The following PRLR variants were observed in gnomAD, a reference collection of about 807,000 sequenced individuals.
PRLR encodes the protein hPRL receptor.
Under a neutral mutation model 40.2 loss-of-function variants are expected in PRLR, and 13 were observed. That is an observed-to-expected ratio of 0.32 (90% confidence interval 0.21 to 0.51). PRLR has a LOEUF of 0.51. Ranked by LOEUF, PRLR falls within the 20% of genes least tolerant of loss-of-function variation. The pLI is 0.97. For synonymous variants in PRLR, 269 were observed against 278.7 expected (o/e 0.97, Z 0.35); for missense variants, 656 against 747.3 (o/e 0.88, Z 1.42).
In PRLR at chr5:35,142,039, G is replaced by A. The variant is rs185315836; in HGVS notation, c.-105-23917C>T. 3.9e-4 allele frequency among the ~76,000 whole-genome samples: 59 copies of A among 152,252 alleles called. No individual in the cohort carries two copies. In the East Asian group the frequency reaches 6.0e-3, roughly 15 times the overall value. ...AGAGTTGGAAAAAATGGCAATTCTC[G>A]AATGTTTAATTTTTTCACTGGATGT... On this transcript the variant is annotated intron_variant, in intron 1 of 9. Transcript: ENST00000618457.
At chr5:35,139,757 C>T (rs1313458548) in intron 1 of PRLR, among the ~76,000 whole-genome samples, 1 of 152,096 alleles carries the variant, frequency 6.6e-6, no homozygotes, top group African/African-American at 2.4e-5. Flanking sequence ...TATGTCTTAC[C>T]AAAGCCAGTT....
At chr5:35,223,084 C>A (rs996607613) in intron 1 of PRLR, among the ~76,000 whole-genome samples, 3 of 152,196 alleles carry the variant, frequency 2.0e-5, no homozygotes, top group African/African-American at 7.2e-5. Context: ...GCCACATCAT[C>A]CAAGTAGACA....
At chr5:35,165,290 A>G (rs1343416640) in intron 1 of PRLR, among the ~76,000 whole-genome samples, 1 of 152,194 alleles carries the variant, frequency 6.6e-6, no homozygotes, top group Admixed American at 6.5e-5. Context: ...AACACCAGCA[A>G]TGAACACCTG....
intron 1 of PRLR, among the ~76,000 whole-genome samples, chr5:35,179,590 C>T (rs1349366112): frequency 6.6e-6 from 1 of 152,214 alleles, no homozygotes; most frequent in Non-Finnish European, 1.5e-5. Flanking sequence ...CAGCACCTCT[C>T]TATGTTCCTC....
chr5:35,070,072 A>G (rs894756346), intron 7 of PRLR, 52 bp downstream of exon 7: 21 of 1,563,020 alleles, frequency 1.3e-5, no homozygotes, highest in South Asian at 1.1e-4. Flanking sequence ...ATGCAAATAT[A>G]CCATTTAAAA....
At chr5:35,150,269 G>T (rs572778511) in intron 1 of PRLR, among the ~76,000 whole-genome samples, 1 of 152,264 alleles carries the variant, frequency 6.6e-6, no homozygotes, top group South Asian at 2.1e-4. Flanking sequence ...ACAGAGTGAG[G>T]ATTGTTCTAT....
At chr5:35,160,235 C>G (rs1393547310) in intron 1 of PRLR, among the ~76,000 whole-genome samples, 1 of 146,882 alleles carries the variant, frequency 6.8e-6, no homozygotes, top group Admixed American at 7.0e-5. Flanking sequence ...TATGACATTT[C>G]CATTTCAGTG....
At position 35,104,351 on chromosome 5, in the gene PRLR, C is replaced by T. The variant is rs564974197; in HGVS notation, c.-44+13710G>A. On this transcript the variant is annotated intron_variant, in intron 2 of 9. Transcript: ENST00000618457. ...ATTTCTGCATTTCCAACTGAGGTACCGGGTTCATCTCACTGGGGCTTGTTG... is the reference window on the plus strand; with the variant it reads ...ATTTCTGCATTTCCAACTGAGGTACTGGGTTCATCTCACTGGGGCTTGTTG... 3.3e-5 allele frequency among the ~76,000 whole-genome samples: 5 copies of T among 152,232 alleles called. No homozygotes were observed. The South Asian group carries it at 1.0e-3, about 32-fold the overall frequency.
At chr5:35,197,884 A>G (rs79297149) in intron 1 of PRLR, among the ~76,000 whole-genome samples, 4,337 of 152,308 alleles carry the variant, frequency 0.028, 82 homozygotes, top group Middle Eastern at 0.071. Context: ...TTGGACATGC[A>G]ATTGCATGAG....
At chr5:35,146,131 T>A (rs1774175124) in intron 1 of PRLR, among the ~76,000 whole-genome samples, 1 of 152,236 alleles carries the variant, frequency 6.6e-6, no homozygotes, top group South Asian at 2.1e-4. Flanking sequence ...ACTTCCAGAA[T>A]CTGGTTCTAC....
chr5:35,156,127 T>TA (rs765998296), intron 1 of PRLR, among the ~76,000 whole-genome samples: 6,707 of 103,304 alleles, frequency 0.065, 267 homozygotes, highest in Middle Eastern at 0.11. Flanking sequence ...TTGCTCAAGA[T>TA]AAAAAAAAAA....
chr5:35,138,385 A>G (rs1773920261), intron 1 of PRLR, among the ~76,000 whole-genome samples: 1 of 152,226 alleles, frequency 6.6e-6, no homozygotes, highest in Non-Finnish European at 1.5e-5. Flanking sequence ...AGAAAATGTC[A>G]TCATGGTAAA....
intron 2 of PRLR, among the ~76,000 whole-genome samples, chr5:35,111,789 T>G (rs1772674941): frequency 6.6e-6 from 1 of 152,206 alleles, no homozygotes; most frequent in African/African-American, 2.4e-5. Flanking sequence ...TTGATCCCAA[T>G]CTAATATACA....
intron 2 of PRLR, among the ~76,000 whole-genome samples, chr5:35,117,522 C>A (rs1405168130): frequency 3.3e-5 from 5 of 152,172 alleles, no homozygotes; most frequent in Non-Finnish European, 5.9e-5. Flanking sequence ...ATTTGCTAAG[C>A]AGTCCTGGCA....
intron 1 of PRLR, among the ~76,000 whole-genome samples, chr5:35,192,918 C>G (rs538058731): frequency 1.3e-5 from 2 of 152,300 alleles, no homozygotes; most frequent in South Asian, 4.1e-4. Context: ...GGCCAGCTGT[C>G]CCCAAGACTG....
At chr5:35,049,041 C>T (rs950934630) in exon 9 of PRLR, 2 of 584,464 alleles carry the variant, frequency 3.4e-6, no homozygotes, top group South Asian at 3.2e-5. Context: ...ACTAGGTAAG[C>T]AGAGGGAGTA....
chr5:35,196,381 A>C (rs991245774), intron 1 of PRLR, among the ~76,000 whole-genome samples: 35 of 152,232 alleles, frequency 2.3e-4, no homozygotes, highest in African/African-American at 8.0e-4. Context: ...ATTTTATGAA[A>C]GGTTCTCATG....
intron 2 of PRLR, among the ~76,000 whole-genome samples, chr5:35,104,989 C>T (rs1325594029): frequency 1.3e-5 from 2 of 152,166 alleles, no homozygotes; most frequent in Non-Finnish European, 2.9e-5. Context: ...CGACTGACAC[C>T]TCATACACGC....
intron 1 of PRLR, among the ~76,000 whole-genome samples, chr5:35,190,532 G>T (rs1275619230): frequency 6.6e-6 from 1 of 152,124 alleles, no homozygotes; most frequent in Non-Finnish European, 1.5e-5. Context: ...TAGAACTGGG[G>T]AGATGGAGGT....
Sources: gnomAD v4.1 joint callset for allele counts (sites outside exome capture counted in the v4.1 genomes callset) on GRCh38, gnomAD v4.1.1 for gene constraint, MANE v1.5 for transcripts, NCBI Gene and HGNC (gene_info 2026-07-23, HGNC 2026-07-21) for gene names.